ROBO2: variants seen among roughly 807,000 people sequenced by gnomAD.
ROBO2 encodes the protein roundabout homolog 2.
Under a neutral mutation model 160.8 loss-of-function variants are expected in ROBO2, and 53 were observed. The ratio of observed to expected loss-of-function variants is 0.33; its 90% confidence interval spans 0.26 to 0.41. The LOEUF is 0.41. Ranked by LOEUF, ROBO2 falls within the 10% of genes least tolerant of loss-of-function variation. The pLI is 1.00. For missense variants in ROBO2, 1,577 were observed against 1,722.4 expected, an observed-to-expected ratio of 0.92 and a Z score of 1.49; for synonymous variants, 664 against 611.7, an observed-to-expected ratio of 1.09 and a Z score of -1.26.
intron 2 of ROBO2, among the ~76,000 whole-genome samples, chr3:76,599,891 AT>A (rs943706031): frequency 1.3e-5 from 2 of 151,578 alleles, no homozygotes; most frequent in African/African-American, 2.4e-5. Flanking sequence ...TTTTTAATGG[AT>A]TTTTTTGTTT....
At chr3:77,527,447 G>A (rs1204792656) in intron 6 of ROBO2, 33 bp downstream of exon 7, 2 of 1,275,650 alleles carry the variant, frequency 1.6e-6, no homozygotes, top group Non-Finnish European at 2.0e-6. Flanking sequence ...ACTAAGCATG[G>A]CTTTGCACAG....
intron 2 of ROBO2, among the ~76,000 whole-genome samples, chr3:77,157,221 G>C (rs2078096535): frequency 6.6e-6 from 1 of 152,018 alleles, no homozygotes; most frequent in African/African-American, 2.4e-5. Flanking sequence ...TGCTAAAGCA[G>C]AACCAGGAAA....
chr3:76,877,744 A>G (rs2148721215), intron 2 of ROBO2, among the ~76,000 whole-genome samples: 1 of 152,318 alleles, frequency 6.6e-6, no homozygotes, highest in Non-Finnish European at 1.5e-5. Context: ...TGCTCACAAT[A>G]CTGGAGGCGC....
At chr3:76,706,774 G>C (rs17014548) in intron 2 of ROBO2, among the ~76,000 whole-genome samples, 1 of 152,014 alleles carries the variant, frequency 6.6e-6, no homozygotes, top group East Asian at 1.9e-4. Context: ...ATTTAGTTAA[G>C]TGTTTGCAAC....
chr3:76,099,504 G>T (rs1175620684), intron 2 of ROBO2, among the ~76,000 whole-genome samples: 1 of 152,020 alleles, frequency 6.6e-6, no homozygotes, highest in African/African-American at 2.4e-5. Context: ...TATAGAAAAT[G>T]TTTCCAATTG....
At chr3:76,714,055 G>T (rs543481071) in intron 2 of ROBO2, among the ~76,000 whole-genome samples, 1 of 151,816 alleles carries the variant, frequency 6.6e-6, no homozygotes, top group Non-Finnish European at 1.5e-5. Flanking sequence ...GAAATAGGGC[G>T]GCCTGCTTAA....
chr3:77,614,522 A>G (rs1356802097), intron 21 of ROBO2, among the ~76,000 whole-genome samples: 3 of 152,186 alleles, frequency 2.0e-5, no homozygotes. Flanking sequence ...AAATATTCCT[A>G]TCAAACCATA....
intron 2 of ROBO2, among the ~76,000 whole-genome samples, chr3:76,736,229 CCGAGATCGCGT>C: frequency 6.7e-6 from 1 of 148,408 alleles, no homozygotes; most frequent in Middle Eastern, 3.5e-3. Context: ...TTGCAGTGAG[CCGAGATCGCGT>C]CCCTGCACTC....
chr3:76,490,339 G>A (rs911691799), intron 2 of ROBO2, among the ~76,000 whole-genome samples: 1 of 152,200 alleles, frequency 6.6e-6, no homozygotes, highest in African/African-American at 2.4e-5. Flanking sequence ...TTTTGGCAGA[G>A]TTGGCTGCAG....
At chr3:76,962,638 C>CAAA (rs1318082985) in intron 2 of ROBO2, among the ~76,000 whole-genome samples, 16,494 of 49,954 alleles carry the variant, frequency 0.33, 2,704 homozygotes, top group Admixed American at 0.4. Flanking sequence ...AACTCGATCT[C>CAAA]AGAAAAAAAA....
intron 2 of ROBO2, among the ~76,000 whole-genome samples, chr3:76,046,377 C>T (rs1475272770): frequency 3.3e-5 from 5 of 151,924 alleles, no homozygotes; most frequent in South Asian, 2.1e-4. Flanking sequence ...TGGCCGGGCG[C>T]GGTGGCTCAT....
chr3:76,058,646 T>C, intron 2 of ROBO2, among the ~76,000 whole-genome samples: 1 of 132,182 alleles, frequency 7.6e-6, no homozygotes, highest in African/African-American at 3.0e-5. Context: ...TTTCCTTGCC[T>C]TTTTTTTTAA....
intron 5 of ROBO2, among the ~76,000 whole-genome samples, chr3:77,515,070 A>G (rs2089861413): frequency 6.6e-6 from 1 of 151,728 alleles, no homozygotes; most frequent in Non-Finnish European, 1.5e-5. Flanking sequence ...TACATTCTAG[A>G]TTTTGAAGTT....
intron 2 of ROBO2, among the ~76,000 whole-genome samples, chr3:76,470,213 T>A (rs80114898): frequency 0.028 from 4,205 of 152,276 alleles, 80 homozygotes; most frequent in Non-Finnish European, 0.045. Context: ...TGGAGTGATT[T>A]TCCTAAATGC....
At chr3:77,482,396 A>T (rs949880308) in intron 4 of ROBO2, among the ~76,000 whole-genome samples, 10 of 152,166 alleles carry the variant, frequency 6.6e-5, no homozygotes, top group Admixed American at 2.0e-4. Context: ...ACTATAGAAG[A>T]GCTGTATTAT....
intron 2 of ROBO2, among the ~76,000 whole-genome samples, chr3:77,374,919 A>G (rs1189021569): frequency 2.6e-5 from 4 of 152,228 alleles, no homozygotes; most frequent in African/African-American, 9.6e-5. Flanking sequence ...AATAAGATAT[A>G]TGAATGGTGC....
intron 2 of ROBO2, among the ~76,000 whole-genome samples, chr3:76,716,082 A>G (rs528352174): frequency 4.6e-4 from 61 of 131,560 alleles, no homozygotes; most frequent in African/African-American, 1.5e-3. Context: ...AATTTGTAAG[A>G]CTTAAGTTAT....
chr3:76,938,366 C>G (rs7650311), intron 2 of ROBO2, among the ~76,000 whole-genome samples: 27,087 of 150,882 alleles, frequency 0.18, 2,663 homozygotes, highest in East Asian at 0.29. Flanking sequence ...CCTACCCCCC[C>G]CAAAAAAGGC....
intron 2 of ROBO2, among the ~76,000 whole-genome samples, chr3:75,980,833 C>T (rs1190024325): frequency 6.6e-6 from 1 of 151,432 alleles, no homozygotes; most frequent in Non-Finnish European, 1.5e-5. Context: ...GAAGAATACA[C>T]TGTTAAGTGC....
Sources: gnomAD v4.1 joint callset for allele counts (sites outside exome capture counted in the v4.1 genomes callset) on GRCh38, gnomAD v4.1.1 for gene constraint, MANE v1.5 for transcripts, NCBI Gene and HGNC (gene_info 2026-07-23, HGNC 2026-07-21) for gene names.